Variants in CBLC observed in about 807,000 individuals in gnomAD.
The protein encoded by CBLC is E3 ubiquitin-protein ligase CBL-C.
A neutral mutation model predicts 58.6 loss-of-function variants in CBLC; 46 were observed. That is an observed-to-expected ratio of 0.79 (90% CI 0.62 to 1.00). The LOEUF (loss-of-function observed/expected upper bound fraction) is 1.00, where lower values mean the gene tolerates loss of function less well. CBLC is among the 50% of genes least tolerant of loss of function. The pLI, the probability that CBLC is intolerant of heterozygous loss-of-function variation, is 0.00. For synonymous variants in CBLC, 271 were observed against 264.2 expected, an observed-to-expected ratio of 1.03 and a Z score of -0.25; for missense variants, 655 against 625.8, an observed-to-expected ratio of 1.05 and a Z score of -0.50.
intron 9 of CBLC, among the ~76,000 whole-genome samples, chr19:44,796,074 G>A (rs908329717): frequency 1.3e-5 from 2 of 151,936 alleles, no homozygotes; most frequent in Non-Finnish European, 2.9e-5. Context: ...AATTAGCTGG[G>A]CGTGGTGGCG....
At chr19:44,796,422 T>A (rs1968179377) in intron 9 of CBLC, among the ~76,000 whole-genome samples, 1 of 152,090 alleles carries the variant, frequency 6.6e-6, no homozygotes, top group South Asian at 2.1e-4. Context: ...TCACTCTTGT[T>A]GCCCAGGCTG....
rs560728785 is a variant in CBLC, at chr19:44,793,617, G to T, written c.1281G>T (p.Gly427=). ...SDQEGRELEL[G]QVPLSAPPLP... is the part of the protein sequence containing the mutation. ...AGGAAGGCAGGGAGTTGGAGCTGGG[G>T]CAGGTGAGCAGGGCCAGCCGGGAGC... is the stretch of plus-strand genomic sequence containing the variant. The change falls in exon 8 of 11, where the codon GGG becomes GGT. Residue 427 remains glycine, a synonymous_variant. Transcript: ENST00000647358. 1.0e-5 allele frequency: 16 copies of T among 1,597,494 alleles called. No individual in the cohort carries two copies. In the East Asian group the frequency reaches 2.7e-4, roughly 27 times the overall value.
chr19:44,784,950 G>GTTT lies in CBLC; in HGVS notation c.917+586_917+588dup, dbSNP rs58171575. Reference sequence around the variant, plus strand: ...GAACTGGAGAACTTGCTAGACAGGTGTTTTTTTTTTTTTTTTTTTTTTTTT... The same window carrying GTTT: ...GAACTGGAGAACTTGCTAGACAGGTGTTTTTTTTTTTTTTTTTTTTTTTTTTTT... On this transcript the variant is annotated intron_variant, in intron 5 of 10. Coordinates refer to ENST00000647358, the MANE Select transcript of CBLC (RefSeq NM_012116.4). Among the ~76,000 whole-genome samples, 74 of 34,362 alleles carry GTTT rather than the reference G, an allele frequency of 2.2e-3. 23 individuals carry two copies. Among genetic ancestry groups the GTTT allele is most frequent in the Admixed American group, 4.3e-3 (11 of 2,532 alleles). The allele number at this position is 34,362 out of a possible 152,430, so 22.5% of individuals were successfully genotyped here. A position where few individuals can be genotyped will look rare whatever the true frequency, so the allele number is the denominator to read the frequency against.
At position 44,790,035 on chromosome 19, in the gene CBLC, C is replaced by A; in HGVS notation, c.949C>A (p.Pro317Thr). The A allele has an allele frequency of 6.2e-7, 1 of 1,614,072 alleles. No individual in the cohort carries two copies. Among genetic ancestry groups the A allele is most frequent in the East Asian group, 2.2e-5 (1 of 44,878 alleles). Residue 317 changes from proline (P) to threonine (T), a missense_variant, in exon 6 of 11, where the codon CCA becomes ACA. Transcript: ENST00000647358. ...YLYPDGKTHN[P>T]DLTELGQAEP... ...CTACCCAGATGGAAAGACCCACAAC[C>A]CAGACCTGACTGAGCTCGGCCAGGC... is the stretch of plus-strand genomic sequence containing the variant.
Position 44,790,108 on chromosome 19 carries a change from C to G in CBLC, c.1005+17C>G, listed in dbSNP as rs940914047. On this transcript the variant is annotated intron_variant, in intron 6 of 10. Transcript: ENST00000647358. ...GTGTCAGAGGTGAGACCCGCACCTG[C>G]ACCCGCAGTCCCAGTTCCCTGACCC... is the stretch of plus-strand genomic sequence containing the variant. The G allele has an allele frequency of 3.1e-6, 5 of 1,593,172 alleles. No homozygotes were observed.
intron 9 of CBLC, among the ~76,000 whole-genome samples, chr19:44,798,674 T>G (rs1486399195): frequency 6.6e-6 from 1 of 152,114 alleles, no homozygotes; most frequent in Non-Finnish European, 1.5e-5. Context: ...AGGTGGAAGT[T>G]GCAGTGAGCC....
intron 3 of CBLC, 125 bp downstream of exon 3, chr19:44,781,488 G>C: frequency 1.0e-6 from 1 of 964,926 alleles, no homozygotes. Flanking sequence ...AGGGAGGAGG[G>C]GCCGGGGCCT....
In CBLC at chr19:44,780,972, G is replaced by A. The variant is rs377440313; in HGVS notation, c.421G>A (p.Gly141Arg). 3.0e-5 allele frequency: 49 copies of A among 1,613,282 alleles called. 1 individual carries two copies. The South Asian group carries it at 3.5e-4, about 12-fold the overall frequency. ...MHAELHALFP[G>R]GKYCGHMYQL... is the part of the protein sequence containing the mutation. ...CGCAGAGCTGCACGCACTCTTCCCC[G>A]GGGGAAAGTACTGTGGACACATGTA... is the stretch of plus-strand genomic sequence containing the variant. Residue 141 changes from glycine (G) to arginine (R), a missense_variant, in exon 2 of 11, where the codon GGG becomes AGG. By Grantham distance (125) the Gly-to-Arg change is moderately radical (BLOSUM62 -2). This residue lies in a region of CBLC where 280 missense variants were observed against 237.2 expected (regional missense o/e 1.18). Transcript: ENST00000647358.
intron 6 of CBLC, among the ~76,000 whole-genome samples, chr19:44,790,868 G>T (rs1003977394): frequency 1.3e-5 from 2 of 152,142 alleles, no homozygotes; most frequent in Non-Finnish European, 2.9e-5. Context: ...CCAGCACTTT[G>T]GTAGGCCGAG....
At chr19:44,786,897 G>C (rs1275497235) in intron 5 of CBLC, among the ~76,000 whole-genome samples, 3 of 152,102 alleles carry the variant, frequency 2.0e-5, no homozygotes. Flanking sequence ...TTGAGATCAG[G>C]AGTTCGAGAC....
At chr19:44,790,577 G>A (rs917728684) in intron 6 of CBLC, among the ~76,000 whole-genome samples, 22 of 152,100 alleles carry the variant, frequency 1.4e-4, no homozygotes, top group East Asian at 9.7e-4. Context: ...CAGGAGTACA[G>A]GTGTGAGCCA....
intron 5 of CBLC, among the ~76,000 whole-genome samples, chr19:44,785,442 C>T (rs932371951): frequency 1.3e-5 from 2 of 151,488 alleles, no homozygotes; most frequent in Non-Finnish European, 2.9e-5. Flanking sequence ...TCACCTTTAG[C>T]CAGAATTTTC....
intron 5 of CBLC, among the ~76,000 whole-genome samples, chr19:44,788,560 ATC>A (rs938111671): frequency 6.7e-6 from 1 of 149,944 alleles, no homozygotes; most frequent in Non-Finnish European, 1.5e-5. Context: ...ATTCACTACA[ATC>A]TCTGCCTCCT....
At chr19:44,798,811 G>A (rs766871310) in intron 9 of CBLC, among the ~76,000 whole-genome samples, 13 of 152,066 alleles carry the variant, frequency 8.5e-5, no homozygotes, top group South Asian at 6.2e-4. Flanking sequence ...AGTCCTCTCC[G>A]CCGCCCAAAG....
At chr19:44,787,269 C>T (rs2122452560) in intron 5 of CBLC, among the ~76,000 whole-genome samples, 1 of 151,900 alleles carries the variant, frequency 6.6e-6, no homozygotes, top group Non-Finnish European at 1.5e-5. Flanking sequence ...TGGCGGGCGT[C>T]TGTAGTCCCA....
Position 44,777,995 on chromosome 19 carries a change from G to A in CBLC, c.64G>A (p.Val22Ile). ...WEEARALGRAVRMLQRLEEQC... is the reference protein window; with the variant it reads ...WEEARALGRAIRMLQRLEEQC... ...AGAGGCCCGCGCCCTGGGCCGGGCA[G>A]TCAGGATGCTGCAGCGCCTAGAAGA... The change falls in exon 1 of 11, where the codon GTC (valine) becomes ATC (isoleucine). Residue 22 changes from valine to isoleucine, a missense_variant. Coordinates refer to ENST00000647358, the MANE Select transcript of CBLC (RefSeq NM_012116.4). 6.2e-7 allele frequency: 1 copy of A among 1,608,448 alleles called. No homozygotes were observed.
chr19:44,795,118 C>T (rs950721885), intron 9 of CBLC, among the ~76,000 whole-genome samples: 7 of 152,070 alleles, frequency 4.6e-5, no homozygotes, highest in African/African-American at 4.8e-5. Context: ...CCACCATGCC[C>T]GACTAATTTT....
chr19:44,793,722 C>T (rs878873972), intron 8 of CBLC, 102 bp downstream of exon 8: 3,105 of 1,029,204 alleles, frequency 3.0e-3, no homozygotes, highest in African/African-American at 9.1e-3. Context: ...AGACTGGGGG[C>T]CTGGACTCCT....
intron 5 of CBLC, among the ~76,000 whole-genome samples, chr19:44,784,955 T>TG (rs1967852956): frequency 1.1e-5 from 1 of 90,222 alleles, no homozygotes; most frequent in Admixed American, 1.1e-4. Context: ...CAGGTGTTTT[T>TG]TTTTTTTTTT....
Sources: allele counts gnomAD v4.1 joint callset (sites outside exome capture counted in the v4.1 genomes callset), GRCh38; gene constraint gnomAD v4.1.1; regional missense constraint gnomAD v4.1.1; transcripts MANE v1.5; gene names NCBI Gene and HGNC (gene_info 2026-07-23, HGNC 2026-07-21).